Variants in ITGA8 observed in about 807,000 individuals in gnomAD.
The protein encoded by ITGA8 is integrin subunit alpha 8.
Under a neutral mutation model 142.3 loss-of-function variants are expected in ITGA8, and 91 were observed. The observed-to-expected ratio is 0.64, with a 90% CI of 0.54 to 0.76. The LOEUF (loss-of-function observed/expected upper bound fraction) is 0.76, where lower values mean the gene tolerates loss of function less well. Among genes scored for constraint, ITGA8 ranks in the 30% least tolerant of loss-of-function variants. The pLI is 0.00. For synonymous variants in ITGA8, 505 were observed against 485.2 expected, an observed-to-expected ratio of 1.04 and a Z score of -0.54; for missense variants, 1,406 against 1,327.7, an observed-to-expected ratio of 1.06 and a Z score of -0.92.
At chr10:15,612,929 G>C (rs1833324506) in intron 15 of ITGA8, among the ~76,000 whole-genome samples, 1 of 152,212 alleles carries the variant, frequency 6.6e-6, no homozygotes, top group South Asian at 2.1e-4. Flanking sequence ...GGGAGGCCAA[G>C]GCAGGTGGAT....
At chr10:15,702,443 A>G (rs1319238792) in intron 2 of ITGA8, among the ~76,000 whole-genome samples, 1 of 151,982 alleles carries the variant, frequency 6.6e-6, no homozygotes, top group African/African-American at 2.4e-5. Flanking sequence ...GGTGGCCCCC[A>G]CTGTGCCCAG....
chr10:15,642,111 A>G (rs981190597), intron 13 of ITGA8, among the ~76,000 whole-genome samples: 1 of 152,194 alleles, frequency 6.6e-6, no homozygotes, highest in African/African-American at 2.4e-5. Context: ...CTGAGGGCAG[A>G]GTAAGACTCC....
intron 6 of ITGA8, among the ~76,000 whole-genome samples, chr10:15,673,660 A>G (rs1834572034): frequency 6.6e-6 from 1 of 152,254 alleles, no homozygotes; most frequent in Non-Finnish European, 1.5e-5. Flanking sequence ...GCTAAGTTAA[A>G]TGAAGGAATT....
chr10:15,519,488 A>G (rs1374267935), intron 28 of ITGA8, 76 bp from the exon 29 acceptor site: 5 of 1,481,066 alleles, frequency 3.4e-6, no homozygotes, highest in African/African-American at 1.4e-5. Context: ...TACCAGTACA[A>G]CATCGGAAGT....
At chr10:15,550,561 G>T (rs1395071737) in intron 26 of ITGA8, among the ~76,000 whole-genome samples, 1 of 152,170 alleles carries the variant, frequency 6.6e-6, no homozygotes, top group Non-Finnish European at 1.5e-5. Flanking sequence ...GAGCCATGAA[G>T]GTATGAATGG....
chr10:15,690,898 A>G (rs1364414281), intron 2 of ITGA8, among the ~76,000 whole-genome samples: 1 of 152,138 alleles, frequency 6.6e-6, no homozygotes. Context: ...GAAACAACCA[A>G]CAAAGTGAAG....
At chr10:15,525,574 G>A (rs770103755) in intron 28 of ITGA8, among the ~76,000 whole-genome samples, 6 of 143,458 alleles carry the variant, frequency 4.2e-5, no homozygotes, top group East Asian at 2.1e-4. Flanking sequence ...CCCGGGAGGC[G>A]GAGGTTGCAG....
At chr10:15,549,583 A>G (rs1833755967) in intron 26 of ITGA8, among the ~76,000 whole-genome samples, 2 of 152,174 alleles carry the variant, frequency 1.3e-5, no homozygotes, top group Admixed American at 6.5e-5. Flanking sequence ...TTTGTGTGCC[A>G]TGCACAGAAT....
At chr10:15,660,832 C>G in intron 9 of ITGA8, 47 bp downstream of exon 9, 3 of 1,448,410 alleles carry the variant, frequency 2.1e-6, no homozygotes, top group Non-Finnish European at 2.9e-6. Context: ...CAAGGAGCAC[C>G]TATACAAGAA....
chr10:15,603,422 A>G (rs564507672), intron 20 of ITGA8, among the ~76,000 whole-genome samples: 2 of 152,318 alleles, frequency 1.3e-5, no homozygotes, highest in Admixed American at 1.3e-4. Flanking sequence ...CCTACTCTAC[A>G]CCTCATCCTA....
intron 24 of ITGA8, 110 bp downstream of exon 24, chr10:15,575,379 G>GAGAGAC: frequency 1.2e-6 from 1 of 804,368 alleles, no homozygotes; most frequent in Non-Finnish European, 2.1e-6. Flanking sequence ...GACACAGCGA[G>GAGAGAC]ATCCTGTCTC....
rs944963522 is a variant in ITGA8 at position 15,517,371 on chromosome 10, C to G, written c.3106-127G>C. ...TGAGTCTCGCTCTCTATTCCCCAGG[C>G]TGGAGTACAGTGGCGTGATCTTGGC... On this transcript the variant is annotated intron_variant, in intron 29 of 29. Transcript: ENST00000378076. The G allele has an allele frequency of 1.1e-5, 6 of 546,130 alleles. No individual in the cohort carries two copies. The African/African-American group carries it at 1.2e-4, about 11-fold the overall frequency. 33.8% of individuals were successfully genotyped at this position (546,130 alleles called of 1,614,324 possible).
Position 15,519,231 on chromosome 10 carries a change from C to T in ITGA8, c.3105+59G>A, listed in dbSNP as rs1318106112. Reference sequence around the variant, plus strand: ...TCTTTTAAAATCCCTAACTGTATCCCTCTAAATTCCCTCAACAGCCCCTCT... The same window carrying T: ...TCTTTTAAAATCCCTAACTGTATCCTTCTAAATTCCCTCAACAGCCCCTCT... On this transcript the variant is annotated intron_variant, in intron 29 of 29. Coordinates refer to ENST00000378076, the MANE Select transcript of ITGA8 (RefSeq NM_003638.3). The T allele has an allele frequency of 1.0e-5, 16 of 1,596,350 alleles. No individual in the cohort carries two copies. In the East Asian group the frequency reaches 1.6e-4, roughly 16 times the overall value.
intron 29 of ITGA8, 101 bp from the exon 30 acceptor site, chr10:15,517,345 C>T: frequency 1.5e-6 from 1 of 666,224 alleles, no homozygotes; most frequent in Non-Finnish European, 2.5e-6. Flanking sequence ...TTTTTTTAAA[C>T]TGAGTCTCGC....
At chr10:15,591,323 C>CA (rs1236256080) in intron 22 of ITGA8, among the ~76,000 whole-genome samples, 1 of 150,794 alleles carries the variant, frequency 6.6e-6, no homozygotes, top group African/African-American at 2.4e-5. Flanking sequence ...CTGCAGACCA[C>CA]AAAAAATACA....
intron 27 of ITGA8, among the ~76,000 whole-genome samples, chr10:15,535,802 C>A (rs929673883): frequency 3.3e-5 from 5 of 152,250 alleles, no homozygotes; most frequent in African/African-American, 1.2e-4. Context: ...TCCCCTTCCA[C>A]ACTGTGGCAG....
At chr10:15,718,092 A>T (rs946924417) in intron 2 of ITGA8, among the ~76,000 whole-genome samples, 1 of 152,228 alleles carries the variant, frequency 6.6e-6, no homozygotes, top group Non-Finnish European at 1.5e-5. Flanking sequence ...AAAGCATCGC[A>T]TTTAAATTAT....
At chr10:15,655,430 A>T (rs975239908) in intron 10 of ITGA8, 24 bp from the exon 11 acceptor site, 1 of 1,573,990 alleles carries the variant, frequency 6.4e-7, no homozygotes, top group Admixed American at 1.7e-5. Context: ...TCAGGAGATG[A>T]CATTTTGTGT....
intron 13 of ITGA8, among the ~76,000 whole-genome samples, chr10:15,641,973 C>T (rs898730341): frequency 6.6e-6 from 1 of 151,976 alleles, no homozygotes; most frequent in Non-Finnish European, 1.5e-5. Context: ...ACTAAAACTA[C>T]AAAAATGAGC....
Sources: gnomAD v4.1 joint callset for allele counts (sites outside exome capture counted in the v4.1 genomes callset) on GRCh38, gnomAD v4.1.1 for gene constraint, MANE v1.5 for transcripts, NCBI Gene and HGNC (gene_info 2026-07-23, HGNC 2026-07-21) for gene names.